Variants in KIAA1217 observed in about 807,000 individuals in gnomAD.
KIAA1217 encodes the protein KIAA1217.
Under a neutral mutation model 163.9 loss-of-function variants are expected in KIAA1217, and 88 were observed. The ratio of observed to expected loss-of-function variants is 0.54; its 90% CI spans 0.45 to 0.64. The LOEUF (loss-of-function observed/expected upper bound fraction) is 0.64, where lower values mean the gene tolerates loss of function less well. Among genes scored for constraint, KIAA1217 ranks in the 30% least tolerant of loss-of-function variants. KIAA1217 has a pLI of 0.00. For synonymous variants in KIAA1217, 903 were observed against 923.1 expected (o/e 0.98, Z 0.39); for missense variants, 2,372 against 2,475.0 (o/e 0.96, Z 0.88).
At chr10:23,964,013 C>T (rs1040623836) in intron 1 of KIAA1217, among the ~76,000 whole-genome samples, 14 of 151,944 alleles carry the variant, frequency 9.2e-5, no homozygotes, top group African/African-American at 3.4e-4. Flanking sequence ...CCTGCCTCAA[C>T]CTCCCAAGTA....
chr10:23,742,751 A>G (rs532751228), intron 1 of KIAA1217, among the ~76,000 whole-genome samples: 9 of 152,362 alleles, frequency 5.9e-5, no homozygotes, highest in African/African-American at 2.2e-4. Context: ...ATTCAGCATG[A>G]GATTTGGGTG....
chr10:24,082,076 T>G (rs1333855920), intron 2 of KIAA1217, among the ~76,000 whole-genome samples: 1 of 152,196 alleles, frequency 6.6e-6, no homozygotes, highest in Non-Finnish European at 1.5e-5. Context: ...AGATGCTTTC[T>G]GCTGCTGAAG....
intron 3 of KIAA1217, among the ~76,000 whole-genome samples, chr10:24,420,795 G>A (rs773502907): frequency 2.3e-4 from 35 of 152,114 alleles, no homozygotes; most frequent in Non-Finnish European, 4.0e-4. Flanking sequence ...CTATGGGTTT[G>A]TATGACCTCT....
intron 2 of KIAA1217, among the ~76,000 whole-genome samples, chr10:24,181,444 T>C (rs2066166503): frequency 6.6e-6 from 1 of 151,794 alleles, no homozygotes; most frequent in South Asian, 2.1e-4. Flanking sequence ...CTAACTTGAG[T>C]CTCCAAGTCA....
chr10:24,040,723 T>C (rs1402898017), intron 2 of KIAA1217, among the ~76,000 whole-genome samples: 1 of 152,242 alleles, frequency 6.6e-6, no homozygotes, highest in African/African-American at 2.4e-5. Flanking sequence ...GATCCTACTA[T>C]GGACTCTGTG....
rs1290059287 is a variant in KIAA1217, at chr10:24,064,865, C to G, written c.-171+57491C>G. On this transcript the variant is annotated intron_variant, in intron 2 of 18. Transcript: ENST00000376462. The stretch of plus-strand genomic sequence containing the variant: ...AGATTCAACTTCTTCCTGATTTAGT[C>G]TTGGGAGACTGTATGTGTCGAGGAA... 9.8e-5 allele frequency among the ~76,000 whole-genome samples: 15 copies of G among 152,286 alleles called. 4 individuals carry two copies. The highest frequency in any genetic ancestry group is 9.8e-4 in the Admixed American group (15 of 15,296).
intron 2 of KIAA1217, among the ~76,000 whole-genome samples, chr10:24,182,891 A>T (rs1459685609): frequency 1.3e-5 from 2 of 152,200 alleles, no homozygotes; most frequent in Non-Finnish European, 2.9e-5. Flanking sequence ...TGGTTTCAAC[A>T]TGATTTGTTT....
intron 2 of KIAA1217, among the ~76,000 whole-genome samples, chr10:24,073,964 A>G (rs1232607077): frequency 2.0e-5 from 3 of 152,074 alleles, no homozygotes; most frequent in East Asian, 3.9e-4. Flanking sequence ...ATCTGGGGAT[A>G]CATTGTGTAC....
chr10:24,040,881 T>G (rs1035438129), intron 2 of KIAA1217, among the ~76,000 whole-genome samples: 1 of 152,222 alleles, frequency 6.6e-6, no homozygotes, highest in African/African-American at 2.4e-5. Flanking sequence ...GGTGCAGAGT[T>G]GTCATTTCAG....
intron 1 of KIAA1217, among the ~76,000 whole-genome samples, chr10:23,847,565 C>T (rs935225395): frequency 1.3e-5 from 2 of 151,464 alleles, no homozygotes; most frequent in Non-Finnish European, 1.5e-5. Flanking sequence ...GTGGGATACC[C>T]CCTTTATCAT....
intron 8 of KIAA1217, among the ~76,000 whole-genome samples, chr10:24,499,995 T>G (rs926782127): frequency 6.6e-6 from 1 of 152,056 alleles, no homozygotes; most frequent in African/African-American, 2.4e-5. Flanking sequence ...CACTTTGAGC[T>G]CCACTGGGGC....
intron 2 of KIAA1217, among the ~76,000 whole-genome samples, chr10:24,288,646 A>C (rs758524198): frequency 3.9e-5 from 6 of 152,238 alleles, no homozygotes; most frequent in Non-Finnish European, 7.3e-5. Context: ...CAAAAGGATA[A>C]GAGGCAGTTT....
chr10:24,269,302 C>A (rs1176575962), intron 2 of KIAA1217, among the ~76,000 whole-genome samples: 1 of 150,098 alleles, frequency 6.7e-6, no homozygotes, highest in Admixed American at 6.6e-5. Context: ...GTGAGAAGAT[C>A]ACTGGAGGCC....
intron 2 of KIAA1217, among the ~76,000 whole-genome samples, chr10:24,231,520 A>G (rs1224996437): frequency 6.6e-6 from 1 of 152,182 alleles, no homozygotes; most frequent in Non-Finnish European, 1.5e-5. Flanking sequence ...GAGGCCCGTG[A>G]GCAAAGAATA....
At chr10:24,176,896 G>T (rs1431971153) in intron 2 of KIAA1217, among the ~76,000 whole-genome samples, 1 of 152,200 alleles carries the variant, frequency 6.6e-6, no homozygotes, top group African/African-American at 2.4e-5. Flanking sequence ...GGCCTGGCAA[G>T]AATTTGAACG....
In KIAA1217 at chr10:24,125,089, C is replaced by T. The variant is rs192800243; in HGVS notation, c.-170-94537C>T. On this transcript the variant is annotated intron_variant, in intron 2 of 18. Coordinates refer to the KIAA1217 transcript ENST00000376462. ...GAGTTTGAGACAAGCCTGGCCAATACGGTAAAACCCCGTCTCCACTAAAAA... is the reference window on the plus strand; with the variant it reads ...GAGTTTGAGACAAGCCTGGCCAATATGGTAAAACCCCGTCTCCACTAAAAA... 2.1e-4 allele frequency among the ~76,000 whole-genome samples: 32 copies of T among 152,034 alleles called. 1 individual carries two copies. The highest frequency in any genetic ancestry group is 6.5e-4 in the African/African-American group (27 of 41,480).
intron 2 of KIAA1217, among the ~76,000 whole-genome samples, chr10:24,168,250 G>A (rs1400958884): frequency 3.3e-5 from 5 of 152,038 alleles, no homozygotes; most frequent in African/African-American, 4.8e-5. Context: ...TAGATGTCAG[G>A]TCATAGAGGT....
chr10:24,491,342 T>G (rs1592359235), intron 6 of KIAA1217, among the ~76,000 whole-genome samples: 1 of 140,226 alleles, frequency 7.1e-6, no homozygotes, highest in African/African-American at 2.7e-5. Flanking sequence ...CAGGCTGGAG[T>G]GCAGTGGTGC....
chr10:23,963,202 G>A (rs905895186), intron 1 of KIAA1217, among the ~76,000 whole-genome samples: 5 of 152,138 alleles, frequency 3.3e-5, no homozygotes, highest in African/African-American at 1.2e-4. Flanking sequence ...TGACATGATG[G>A]TTTCCTGCAC....
Sources: allele counts gnomAD v4.1 joint callset (sites outside exome capture counted in the v4.1 genomes callset), GRCh38; gene constraint gnomAD v4.1.1; transcripts MANE v1.5; gene names NCBI Gene and HGNC (gene_info 2026-07-23, HGNC 2026-07-21).